Variants in PDE1C observed in about 807,000 individuals in gnomAD.
The protein encoded by PDE1C is phosphodiesterase 1C.
A neutral mutation model predicts 93.1 loss-of-function variants in PDE1C; 62 were observed. That is an observed-to-expected ratio of 0.67 (90% confidence interval 0.54 to 0.82). PDE1C has a LOEUF of 0.82. Ranked by LOEUF, PDE1C falls within the 40% of genes least tolerant of loss-of-function variation. The pLI is 0.00. For missense variants in PDE1C, 742 were observed against 884.6 expected (o/e 0.84, Z 2.04); for synonymous variants, 325 against 310.1 (o/e 1.05, Z -0.50).
chr7:31,642,838 G>A, the PDE1C span: 1 of 1,613,880 alleles, frequency 6.2e-7, no homozygotes, highest in Non-Finnish European at 8.5e-7. Flanking sequence ...AAGCCAAGAA[G>A]CGAATGCCTT....
intron 16 of PDE1C, among the ~76,000 whole-genome samples, chr7:31,804,636 T>C (rs967735417): frequency 5.9e-5 from 9 of 151,902 alleles, no homozygotes; most frequent in African/African-American, 2.2e-4. Context: ...TTTTTCTTTC[T>C]TTATTAAGTC....
intron 15 of PDE1C, among the ~76,000 whole-genome samples, chr7:31,813,343 A>T (rs1212660859): frequency 1.3e-5 from 2 of 152,138 alleles, no homozygotes. Flanking sequence ...CTCTAGAAGC[A>T]GCCTGCCAGG....
At chr7:32,016,155 C>T (rs1391556730) in intron 2 of PDE1C, among the ~76,000 whole-genome samples, 7 of 152,238 alleles carry the variant, frequency 4.6e-5, no homozygotes, top group African/African-American at 1.4e-4. Context: ...TCTCAGCATA[C>T]TCCCTATGGG....
chr7:31,788,841 G>C (rs2128655336), intron 16 of PDE1C: 1 of 152,288 alleles, frequency 6.6e-6, no homozygotes, highest in South Asian at 2.1e-4. Flanking sequence ...ATACTACAAA[G>C]TTCTTCAGAT....
intron 1 of PDE1C, among the ~76,000 whole-genome samples, chr7:32,385,328 G>A (rs1272756097): frequency 6.6e-6 from 1 of 152,196 alleles, no homozygotes; most frequent in Non-Finnish European, 1.5e-5. Context: ...GGAGCCTTAG[G>A]CAGGAAGGTT....
chr7:32,017,051 G>A (rs1363730492), intron 2 of PDE1C, among the ~76,000 whole-genome samples: 1 of 152,122 alleles, frequency 6.6e-6, no homozygotes, highest in Non-Finnish European at 1.5e-5. Flanking sequence ...GATAATAGCA[G>A]TACTTATTTC....
At chr7:32,169,713 A>G (rs943193720) in intron 3 of PDE1C, 11 of 1,266,768 alleles carry the variant, frequency 8.7e-6, no homozygotes, top group Non-Finnish European at 1.3e-5. Flanking sequence ...CACACTGACT[A>G]TGCATCTAAC....
intron 2 of PDE1C, among the ~76,000 whole-genome samples, chr7:31,908,439 G>A (rs933254742): frequency 2.0e-5 from 3 of 152,106 alleles, no homozygotes; most frequent in African/African-American, 2.4e-5. Context: ...TGGTTCCAGC[G>A]TATGCTCCAC....
At chr7:32,101,375 A>G (rs1398199796) in intron 3 of PDE1C, among the ~76,000 whole-genome samples, 23 of 152,196 alleles carry the variant, frequency 1.5e-4, no homozygotes, top group Admixed American at 1.5e-3. Context: ...GGTATTTACT[A>G]TGGTTTGGAA....
intron 9 of PDE1C, among the ~76,000 whole-genome samples, chr7:31,845,722 G>C (rs1792488835): frequency 6.6e-6 from 1 of 152,162 alleles, no homozygotes; most frequent in Non-Finnish European, 1.5e-5. Flanking sequence ...CAGGCACAGT[G>C]GCTCATGCCT....
At chr7:31,892,588 G>A (rs1034626142) in intron 2 of PDE1C, among the ~76,000 whole-genome samples, 11 of 152,284 alleles carry the variant, frequency 7.2e-5, no homozygotes, top group African/African-American at 2.4e-4. Context: ...GGCTGGCCAT[G>A]AAGGGGTTGT....
intron 1 of PDE1C, among the ~76,000 whole-genome samples, chr7:32,322,966 G>C (rs1040201885): frequency 7.9e-5 from 12 of 152,064 alleles, no homozygotes; most frequent in Non-Finnish European, 1.8e-4. Flanking sequence ...TGACACAAAG[G>C]GTTGCTATGC....
upstream of PDE1C, among the ~76,000 whole-genome samples, chr7:32,074,388 A>G (rs187277324): frequency 6.6e-6 from 1 of 152,320 alleles, no homozygotes; most frequent in Non-Finnish European, 1.5e-5. Context: ...TCACAGGTTG[A>G]TCCATTTCAT....
Position 32,398,118 on chromosome 7 carries a change from A to T in PDE1C, c.310+29704T>A, listed in dbSNP as rs1163405665. Among the ~76,000 whole-genome samples, 3 of 148,486 alleles carry T rather than the reference A, an allele frequency of 2.0e-5. No homozygotes were observed. In the East Asian group the frequency reaches 6.2e-4, roughly 31 times the overall value. ...CAGTGAGCCGAGATCGCGCCACTGC[A>T]CTCCAGCCTGGGCTGCAGAGCAAGA... On this transcript the variant is annotated intron_variant, in intron 1 of 1. Coordinates refer to the PDE1C transcript ENST00000672256.
rs145845465 is a variant in PDE1C, at chr7:31,880,798, T to A, written c.191A>T (p.Asn64Ile). The A allele has an allele frequency of 6.2e-7, 1 of 1,612,400 alleles. No individual in the cohort carries two copies. Among genetic ancestry groups the A allele is most frequent in the African/African-American group, 1.3e-5 (1 of 74,914 alleles). ...AAGCACTGTGGCTGCATATTCCAAA[T>A]TCTTCTTAAGATCTACCACTGAAGC... is the stretch of plus-strand genomic sequence containing the variant. ...GEASVVDLKK[N>I]LEYAATVLES... The change falls in exon 3 of 18, where the codon AAT becomes ATT. Residue 64 changes from asparagine (N) to isoleucine (I), a missense_variant. Around this residue, in one of 4 missense-constraint regions of PDE1C, gnomAD observed 74 missense variants for 88.2 expected, o/e 0.84. Coordinates refer to ENST00000396191, the MANE Select transcript of PDE1C (RefSeq NM_001191057.4).
chr7:31,674,996 A>G, the PDE1C span, among the ~76,000 whole-genome samples: 1 of 152,338 alleles, frequency 6.6e-6, no homozygotes, highest in South Asian at 2.1e-4. Flanking sequence ...GGGATTTAGA[A>G]GGTGGCAAAA....
intron 3 of PDE1C, among the ~76,000 whole-genome samples, chr7:32,140,972 T>A (rs1455986342): frequency 6.6e-6 from 1 of 152,222 alleles, no homozygotes; most frequent in African/African-American, 2.4e-5. Context: ...GGAATAAAAA[T>A]TTCTAAGACT....
At chr7:31,818,245 G>A (rs1170121483) in intron 14 of PDE1C, among the ~76,000 whole-genome samples, 4 of 152,148 alleles carry the variant, frequency 2.6e-5, no homozygotes, top group African/African-American at 9.7e-5. Context: ...AATGTCTTCT[G>A]GCCTTTATAG....
At chr7:31,961,486 ACT>A (rs1436796146) in intron 2 of PDE1C, among the ~76,000 whole-genome samples, 1 of 151,976 alleles carries the variant, frequency 6.6e-6, no homozygotes, top group African/African-American at 2.4e-5. Context: ...TGTGAGATAC[ACT>A]CTCTCATTTA....
Sources: allele counts gnomAD v4.1 joint callset (sites outside exome capture counted in the v4.1 genomes callset), GRCh38; gene constraint gnomAD v4.1.1; regional missense constraint gnomAD v4.1.1; transcripts MANE v1.5; gene names NCBI Gene and HGNC (gene_info 2026-07-23, HGNC 2026-07-21).